The following TMEM40 variants were observed in gnomAD, a reference collection of about 807,000 sequenced individuals.
TMEM40 encodes transmembrane protein 40.
TMEM40 carries 34 observed loss-of-function variants against 40.8 expected under a neutral mutation model. The ratio of observed to expected loss-of-function variants is 0.83; its 90% CI spans 0.63 to 1.11. The LOEUF is 1.11. TMEM40 is among the 50% of genes least tolerant of loss of function. The pLI, the probability that TMEM40 is intolerant of heterozygous loss-of-function variation, is 0.00. For synonymous variants in TMEM40, 106 were observed against 107.0 expected, an observed-to-expected ratio of 0.99 and a Z score of 0.06; for missense variants, 296 against 280.2, an observed-to-expected ratio of 1.06 and a Z score of -0.40.
rs1479132877 is a variant in TMEM40 at position 12,743,827 on chromosome 3, A to G, written c.301+73T>C. 2.1e-6 allele frequency: 3 copies of G among 1,421,238 alleles called. No homozygotes were observed. In the African/African-American group the frequency reaches 4.2e-5, roughly 20 times the overall value. 88.0% of individuals were successfully genotyped at this position (1,421,238 alleles called of 1,614,324 possible). A position where few individuals can be genotyped will look rare whatever the true frequency, so the allele number is the denominator to read the frequency against. On this transcript the variant is annotated intron_variant, in intron 4 of 11. Coordinates refer to ENST00000314124, the MANE Select transcript of TMEM40 (RefSeq NM_018306.4). Reference sequence around the variant, plus strand: ...CATAAACAATGCTGTGAAGAACATCACACTTCAGTCCCACGGAGAAACTCA... The same window carrying G: ...CATAAACAATGCTGTGAAGAACATCGCACTTCAGTCCCACGGAGAAACTCA...
At chr3:12,757,710 C>T (rs967862450) in intron 1 of TMEM40, among the ~76,000 whole-genome samples, 1 of 152,284 alleles carries the variant, frequency 6.6e-6, no homozygotes, top group East Asian at 1.9e-4. Context: ...AAAAGATTTA[C>T]TACATGACCC....
At chr3:12,746,276 C>T (rs1413687338) in intron 3 of TMEM40, among the ~76,000 whole-genome samples, 1 of 152,122 alleles carries the variant, frequency 6.6e-6, no homozygotes, top group Non-Finnish European at 1.5e-5. Flanking sequence ...CCCTAGTACC[C>T]ATCACAAAGA....
In TMEM40 at chr3:12,753,220, T is replaced by TCTTTCTTTCTTTTC. The variant is rs565790121; in HGVS notation, c.-8-3381_-8-3380insGAAAAGAAAGAAAG. Among the ~76,000 whole-genome samples the TCTTTCTTTCTTTTC allele has an allele frequency of 8.2e-5, 11 of 134,826 alleles. 1 individual carries two copies. The highest frequency in any genetic ancestry group is 2.5e-4 in the African/African-American group (9 of 35,752). 88.5% of individuals were successfully genotyped at this position (134,826 alleles called of 152,430 possible). A position where few individuals can be genotyped will look rare whatever the true frequency, so the allele number is the denominator to read the frequency against. On this transcript the variant is annotated intron_variant, in intron 1 of 11. Transcript: ENST00000314124. ...CTTTCTTTCTTTCTTTCTTTTTTTT[T>TCTTTCTTTCTTTTC]TTTTTTTTTTTTTTTTGAGACAGGG...
At position 12,734,737 on chromosome 3, in the gene TMEM40, A is replaced by G; in HGVS notation, c.*37T>C. The G allele has an allele frequency of 1.3e-6, 2 of 1,582,196 alleles. No individual in the cohort carries two copies. The highest frequency in any genetic ancestry group is 1.7e-6 in the Non-Finnish European group (2 of 1,165,594). On this transcript the variant is annotated 3_prime_UTR_variant, in exon 12 of 12. Transcript: ENST00000314124. ...GCTCAGGGGTCGCAGTGGTGGTCAC[A>G]CTGGGGCCTGCCTCTGCTGCCCACC...
intron 1 of TMEM40, among the ~76,000 whole-genome samples, chr3:12,752,325 C>T (rs2061484084): frequency 6.6e-6 from 1 of 152,150 alleles, no homozygotes; most frequent in Non-Finnish European, 1.5e-5. Context: ...GTCACCCATA[C>T]CCTGTACAGA....
chr3:12,765,730 C>T (rs1206026883), intron 1 of TMEM40, among the ~76,000 whole-genome samples: 4 of 151,984 alleles, frequency 2.6e-5, no homozygotes, highest in African/African-American at 9.7e-5. Context: ...CCACCACGCC[C>T]AGCTAATTTT....
Position 12,736,630 on chromosome 3 carries a change from G to A in TMEM40, c.567C>T (p.Val189=), listed in dbSNP as rs977553907. 24 of 1,588,578 alleles carry A rather than the reference G, an allele frequency of 1.5e-5. No homozygotes were observed. The highest frequency in any genetic ancestry group is 1.8e-5 in the Non-Finnish European group (21 of 1,167,428). ...CCAGGGAGGCGAAGGTGAGCAGGCC[G>A]ACCCCAAGAGACATGAACCAGTCTG... ...YYADWFMSLG[V]GLLTFASLET... The change falls in exon 10 of 12, where the codon GTC becomes GTT. Residue 189 remains valine (V), a synonymous_variant. Coordinates refer to ENST00000314124, the MANE Select transcript of TMEM40 (RefSeq NM_018306.4).
chr3:12,758,404 T>C (rs1383160389), intron 1 of TMEM40, among the ~76,000 whole-genome samples: 3 of 151,844 alleles, frequency 2.0e-5, no homozygotes, highest in Non-Finnish European at 4.4e-5. Context: ...TCATTCCCCT[T>C]AAAAGGAAAC....
intron 1 of TMEM40, 62 bp from the exon 2 acceptor site, chr3:12,749,902 A>T: frequency 4.9e-6 from 7 of 1,425,246 alleles, no homozygotes; most frequent in Non-Finnish European, 6.8e-6. Flanking sequence ...ATATACAAAG[A>T]GCTTGGCAAA....
intron 3 of TMEM40, among the ~76,000 whole-genome samples, chr3:12,747,402 CTG>C (rs1232493354): frequency 6.6e-6 from 1 of 152,156 alleles, no homozygotes; most frequent in African/African-American, 2.4e-5. Context: ...CACTTGTAAA[CTG>C]GGAATAATAA....
At chr3:12,740,155 A>G (rs1480404740) in intron 5 of TMEM40, among the ~76,000 whole-genome samples, 3 of 150,678 alleles carry the variant, frequency 2.0e-5, no homozygotes, top group Non-Finnish European at 2.9e-5. Flanking sequence ...GTGCAGCGGC[A>G]TGATCTCAGC....
At chr3:12,748,181 T>A (rs1410781228) in intron 3 of TMEM40, among the ~76,000 whole-genome samples, 1 of 152,224 alleles carries the variant, frequency 6.6e-6, no homozygotes, top group African/African-American at 2.4e-5. Context: ...TGAGGTATTA[T>A]GTATTGCTCT....
intron 1 of TMEM40, among the ~76,000 whole-genome samples, chr3:12,765,837 A>G (rs556257290): frequency 2.4e-4 from 36 of 151,984 alleles, no homozygotes; most frequent in Non-Finnish European, 4.1e-4. Flanking sequence ...TGCTGGGATT[A>G]TAGGCGTGAA....
At chr3:12,763,644 C>A (rs966452314), upstream of TMEM40, among the ~76,000 whole-genome samples, 3 of 152,272 alleles carry the variant, frequency 2.0e-5, no homozygotes, top group East Asian at 5.8e-4. Flanking sequence ...GACAGCTCAG[C>A]CTCAGTCTCC....
At chr3:12,743,755 C>G (rs1356286863) in intron 4 of TMEM40, 145 bp downstream of exon 4, 3 of 714,102 alleles carry the variant, frequency 4.2e-6, no homozygotes. Context: ...GGTGTAGCAT[C>G]CTTTATCTAT....
chr3:12,748,831 ACCCTTC>A (rs2061450285), intron 2 of TMEM40, 39 bp from the exon 3 acceptor site: 3 of 1,530,522 alleles, frequency 2.0e-6, no homozygotes, highest in Middle Eastern at 1.9e-4. Flanking sequence ...AGCGTTTCCC[ACCCTTC>A]CCACCCCAGG....
chr3:12,734,222 T>C lies in TMEM40; in HGVS notation c.*552A>G, dbSNP rs1454709670. The C allele has an allele frequency of 2.0e-5, 3 of 152,330 alleles. No homozygotes were observed. The highest frequency in any genetic ancestry group is 7.2e-5 in the African/African-American group (3 of 41,428). The allele number at this position is 152,330 out of a possible 1,614,324, so 9.4% of individuals were successfully genotyped here. On this transcript the variant is annotated 3_prime_UTR_variant, in exon 12 of 12. Transcript: ENST00000314124. ...GCCCCCATGCCTGGCTGCCATTTAGTTTCTGATGATCATTTTCCTGCCTTT... is the reference window on the plus strand; with the variant it reads ...GCCCCCATGCCTGGCTGCCATTTAGCTTCTGATGATCATTTTCCTGCCTTT...
intron 1 of TMEM40, among the ~76,000 whole-genome samples, chr3:12,767,460 A>C (rs1161185064): frequency 6.6e-6 from 1 of 152,102 alleles, no homozygotes; most frequent in East Asian, 1.9e-4. Flanking sequence ...GCTTCGGTTC[A>C]CCTTCTCTAC....
intron 3 of TMEM40, among the ~76,000 whole-genome samples, chr3:12,744,491 C>T (rs952197196): frequency 3.9e-5 from 6 of 152,214 alleles, no homozygotes; most frequent in African/African-American, 1.2e-4. Flanking sequence ...CTTGCCTTTC[C>T]CTGCTGGGGT....
Sources: allele counts gnomAD v4.1 joint callset (sites outside exome capture counted in the v4.1 genomes callset), GRCh38; gene constraint gnomAD v4.1.1; transcripts MANE v1.5; gene names NCBI Gene and HGNC (gene_info 2026-07-23, HGNC 2026-07-21).